ZBTB20: variants seen among roughly 807,000 people sequenced by gnomAD.
The protein encoded by ZBTB20 is zinc finger and BTB domain-containing protein 20.
Under a neutral mutation model 56.9 loss-of-function variants are expected in ZBTB20, and 9 were observed. The ratio of observed to expected loss-of-function variants is 0.16; its 90% CI spans 0.10 to 0.28. The LOEUF is 0.28. Among genes scored for constraint, ZBTB20 ranks in the 10% least tolerant of loss-of-function variants. The probability of loss-of-function intolerance (pLI) is 1.00; values close to 1 mark genes in which losing one functional copy is unlikely to be tolerated. For missense variants in ZBTB20, 655 were observed against 1,003.0 expected (o/e 0.65, Z 4.69); for synonymous variants, 417 against 420.7 (o/e 0.99, Z 0.11).
In ZBTB20 at chr3:114,731,757, C is replaced by CCGGCTGTACCTAGATTAGTAACTAAT. The variant is rs1560181627; in HGVS notation, c.-342-38183_-342-38182insATTAGTTACTAATCTAGGTACAGCCG. 1.2e-4 allele frequency among the ~76,000 whole-genome samples: 8 copies of CCGGCTGTACCTAGATTAGTAACTAAT among 67,580 alleles called. 1 individual carries two copies. Among genetic ancestry groups the CCGGCTGTACCTAGATTAGTAACTAAT allele is most frequent in the South Asian group, 1.6e-3 (2 of 1,246 alleles). 44.3% of individuals were successfully genotyped at this position (67,580 alleles called of 152,430 possible). On this transcript the variant is annotated intron_variant, in intron 5 of 11. Transcript: ENST00000675478. ...CGGCTGTACCTAGATTAGTAACTAA[C>CCGGCTGTACCTAGATTAGTAACTAAT]CCGGCTGTACCTAGATTAGTAACTA... is the stretch of plus-strand genomic sequence containing the variant.
At chr3:114,434,056 T>C (rs777592630) in intron 7 of ZBTB20, among the ~76,000 whole-genome samples, 7 of 152,108 alleles carry the variant, frequency 4.6e-5, no homozygotes, top group Non-Finnish European at 1.0e-4. Flanking sequence ...ATAGACCAGG[T>C]CAATGGGTCT....
chr3:115,145,735 G>A (rs2084944224), intron 1 of ZBTB20, among the ~76,000 whole-genome samples: 1 of 152,126 alleles, frequency 6.6e-6, no homozygotes, highest in Non-Finnish European at 1.5e-5. Flanking sequence ...ATAGCAAAGG[G>A]TACTTGGGAT....
At chr3:114,432,163 C>T (rs952327796) in intron 7 of ZBTB20, among the ~76,000 whole-genome samples, 8 of 45,154 alleles carry the variant, frequency 1.8e-4, no homozygotes, top group East Asian at 1.8e-3. Flanking sequence ...GATTTTGATT[C>T]CATTAGAAAA....
intron 2 of ZBTB20, among the ~76,000 whole-genome samples, chr3:115,049,199 TAG>T (rs1040440074): frequency 1.2e-4 from 19 of 152,206 alleles, no homozygotes; most frequent in African/African-American, 4.6e-4. Context: ...CTCTGGTATA[TAG>T]AGAGAGGAAT....
chr3:114,932,807 G>A (rs948357317), intron 3 of ZBTB20, among the ~76,000 whole-genome samples: 1 of 152,178 alleles, frequency 6.6e-6, no homozygotes, highest in Non-Finnish European at 1.5e-5. Flanking sequence ...GCTCTAGCAT[G>A]CTGCTCTTCC....
chr3:114,579,631 A>G (rs1412538994), intron 6 of ZBTB20, among the ~76,000 whole-genome samples: 1 of 151,646 alleles, frequency 6.6e-6, no homozygotes, highest in African/African-American at 2.4e-5. Flanking sequence ...GTAGATAAGC[A>G]GAATCAAAAG....
chr3:114,452,470 G>C (rs1217790296), intron 7 of ZBTB20, among the ~76,000 whole-genome samples: 1 of 152,110 alleles, frequency 6.6e-6, no homozygotes, highest in African/African-American at 2.4e-5. Context: ...TGGCCACCTA[G>C]TACTTGTTTT....
At chr3:115,135,351 G>A (rs1458131589) in intron 1 of ZBTB20, among the ~76,000 whole-genome samples, 2 of 152,088 alleles carry the variant, frequency 1.3e-5, no homozygotes, top group Non-Finnish European at 1.5e-5. Flanking sequence ...GTGGGTGTGA[G>A]GTATGTCTGG....
chr3:114,909,727 C>T (rs965963649), intron 3 of ZBTB20, among the ~76,000 whole-genome samples: 9 of 151,968 alleles, frequency 5.9e-5, no homozygotes, highest in South Asian at 2.1e-4. Context: ...AATCACCTAA[C>T]AATGCATTTC....
intron 6 of ZBTB20, among the ~76,000 whole-genome samples, chr3:114,671,809 A>G (rs1318465614): frequency 6.6e-6 from 1 of 152,162 alleles, no homozygotes; most frequent in Non-Finnish European, 1.5e-5. Context: ...GAGTACATGC[A>G]TTTGAGAAAA....
At chr3:114,413,422 AT>A (rs2088186911) in intron 7 of ZBTB20, among the ~76,000 whole-genome samples, 1 of 152,166 alleles carries the variant, frequency 6.6e-6, no homozygotes, top group South Asian at 2.1e-4. Flanking sequence ...GTTTAGCTAA[AT>A]TCATGGATAA....
chr3:114,688,493 A>C (rs189277355), intron 6 of ZBTB20: 3 of 152,278 alleles, frequency 2.0e-5, no homozygotes, highest in East Asian at 3.9e-4. Context: ...AGCAAAACTG[A>C]AACACACTTC....
intron 4 of ZBTB20, among the ~76,000 whole-genome samples, chr3:114,853,104 C>T (rs1356177275): frequency 6.6e-6 from 1 of 152,228 alleles, no homozygotes; most frequent in Non-Finnish European, 1.5e-5. Flanking sequence ...ATCTTCTCCA[C>T]CTTGCCACCC....
intron 2 of ZBTB20, among the ~76,000 whole-genome samples, chr3:115,053,365 G>C (rs62267517): frequency 6.6e-6 from 1 of 152,058 alleles, no homozygotes; most frequent in Non-Finnish European, 1.5e-5. Context: ...ATTGGTTTTA[G>C]GTCAAAGCTA....
chr3:114,357,654 G>A (rs1327417432), intron 10 of ZBTB20, among the ~76,000 whole-genome samples: 2 of 152,130 alleles, frequency 1.3e-5, no homozygotes, highest in African/African-American at 4.8e-5. Flanking sequence ...AAATCTCAAA[G>A]GGGTCTGTGT....
At chr3:114,692,132 C>T (rs1453152806) in intron 6 of ZBTB20, among the ~76,000 whole-genome samples, 1 of 152,050 alleles carries the variant, frequency 6.6e-6, no homozygotes, top group African/African-American at 2.4e-5. Flanking sequence ...CCAGCAAAAG[C>T]GTGAAATTCA....
chr3:114,757,799 G>A (rs530749108), intron 5 of ZBTB20, among the ~76,000 whole-genome samples: 1 of 152,040 alleles, frequency 6.6e-6, no homozygotes, highest in Non-Finnish European at 1.5e-5. Flanking sequence ...AGATTAGAAG[G>A]CAACATATGT....
intron 5 of ZBTB20, among the ~76,000 whole-genome samples, chr3:114,795,539 C>T (rs925446487): frequency 6.6e-6 from 1 of 151,936 alleles, no homozygotes; most frequent in Admixed American, 6.6e-5. Flanking sequence ...AGCTTTCTCC[C>T]CTCCCATACT....
intron 5 of ZBTB20, among the ~76,000 whole-genome samples, chr3:114,720,587 G>A (rs1315835424): frequency 6.6e-6 from 1 of 152,062 alleles, no homozygotes; most frequent in Non-Finnish European, 1.5e-5. Flanking sequence ...AGAGGATTAA[G>A]GAGGGAGACA....
Sources: allele counts gnomAD v4.1 joint callset (sites outside exome capture counted in the v4.1 genomes callset), GRCh38; gene constraint gnomAD v4.1.1; transcripts MANE v1.5; gene names NCBI Gene and HGNC (gene_info 2026-07-23, HGNC 2026-07-21).